The following ARFGEF1 variants were observed in gnomAD, a reference collection of about 807,000 sequenced individuals.
ARFGEF1 encodes ARF guanine nucleotide exchange factor 1.
ARFGEF1 carries 42 observed loss-of-function variants against 231.0 expected under a neutral mutation model. The ratio of observed to expected loss-of-function variants is 0.18; its 90% CI spans 0.14 to 0.24. The LOEUF (loss-of-function observed/expected upper bound fraction) is 0.24, where lower values mean the gene tolerates loss of function less well. ARFGEF1 is among the 10% of genes least tolerant of loss of function. The pLI, the probability that ARFGEF1 is intolerant of heterozygous loss-of-function variation, is 1.00. For missense variants in ARFGEF1, 1,345 were observed against 2,192.0 expected, an observed-to-expected ratio of 0.61 and a Z score of 7.72; for synonymous variants, 710 against 732.3, an observed-to-expected ratio of 0.97 and a Z score of 0.49.
chr8:67,324,897 CAG>C (rs900843962), intron 1 of ARFGEF1, among the ~76,000 whole-genome samples: 1 of 147,880 alleles, frequency 6.8e-6, no homozygotes, highest in African/African-American at 2.5e-5. Flanking sequence ...CCCAAAGAGC[CAG>C]AGAGAAAAAA....
chr8:67,222,221 A>G (rs961667544), intron 29 of ARFGEF1, among the ~76,000 whole-genome samples: 10 of 114,206 alleles, frequency 8.8e-5, no homozygotes, highest in South Asian at 3.0e-4. Context: ...ACATATATAT[A>G]TATGTATATG....
At chr8:67,237,427 T>A (rs1033460385) in intron 22 of ARFGEF1, among the ~76,000 whole-genome samples, 4 of 152,230 alleles carry the variant, frequency 2.6e-5, no homozygotes, top group Admixed American at 2.6e-4. Context: ...GGTTTTTAAT[T>A]CTTTTCCTAT....
At chr8:67,195,715 T>TAAAA (rs1176090665), downstream of ARFGEF1, 1 of 696,726 alleles carries the variant, frequency 1.4e-6, no homozygotes, top group Admixed American at 2.9e-5. Context: ...CATCTGTATA[T>TAAAA]AAAATTATTT....
At chr8:67,249,025 T>C (rs150081123) in intron 19 of ARFGEF1, among the ~76,000 whole-genome samples, 2 of 150,518 alleles carry the variant, frequency 1.3e-5, no homozygotes, top group Non-Finnish European at 2.9e-5. Flanking sequence ...TCCAGGAATA[T>C]ATCATTCATT....
rs1804876569 is a variant in ARFGEF1 at position 67,266,967 on chromosome 8, T to C, written c.1830A>G (p.Lys610=). Residue 610 remains lysine (K), a synonymous_variant, in exon 13 of 39, where the codon AAA becomes AAG. Transcript: ENST00000262215. ...MSNVQELSLR[K]KGLECLVSIL... ...TCGACACTAAGCATTCTAAACCTTTTTTCCTCAGGCTCAATTCCTACAAAG... is the reference window on the plus strand; with the variant it reads ...TCGACACTAAGCATTCTAAACCTTTCTTCCTCAGGCTCAATTCCTACAAAG... 1.9e-6 allele frequency: 3 copies of C among 1,613,546 alleles called. No individual in the cohort carries two copies. Among genetic ancestry groups the C allele is most frequent in the Non-Finnish European group, 8.5e-7 (1 of 1,179,732 alleles).
intron 1 of ARFGEF1, 135 bp downstream of exon 1, chr8:67,343,027 CAG>C (rs1808719770): frequency 9.7e-7 from 1 of 1,035,740 alleles, no homozygotes; most frequent in Middle Eastern, 3.2e-4. Flanking sequence ...AGACAGGGAA[CAG>C]AGGGCTCCGC....
intron 17 of ARFGEF1, among the ~76,000 whole-genome samples, chr8:67,254,443 A>G (rs987598954): frequency 2.0e-5 from 3 of 152,232 alleles, no homozygotes; most frequent in Non-Finnish European, 4.4e-5. Flanking sequence ...ACCACCTTCC[A>G]TAAAGAACTT....
chr8:67,235,497 A>C (rs1314958090), intron 22 of ARFGEF1, among the ~76,000 whole-genome samples: 1 of 152,158 alleles, frequency 6.6e-6, no homozygotes, highest in African/African-American at 2.4e-5. Flanking sequence ...TATGTGACAA[A>C]GCCATTGAAT....
Position 67,238,111 on chromosome 8 carries a change from C to A in ARFGEF1, c.3289+232G>T, listed in dbSNP as rs531592381. 3.3e-5 allele frequency among the ~76,000 whole-genome samples: 5 copies of A among 152,324 alleles called. No homozygotes were observed. The South Asian group carries it at 1.0e-3, about 32-fold the overall frequency. ...AAAAGCAAGTAATTTAAAAACTCTA[C>A]ACACTGTATCCTTCTCCAACAACCA... On this transcript the variant is annotated intron_variant, in intron 22 of 38. Transcript: ENST00000262215.
chr8:67,222,273 T>A (rs200152528), intron 29 of ARFGEF1, among the ~76,000 whole-genome samples: 3 of 87,824 alleles, frequency 3.4e-5, no homozygotes, highest in African/African-American at 7.5e-5. Context: ...GTATGTATTT[T>A]TTTTTTTTTT....
intron 18 of ARFGEF1, 48 bp from the exon 19 acceptor site, chr8:67,251,498 A>G: frequency 1.4e-6 from 2 of 1,477,056 alleles, no homozygotes; most frequent in South Asian, 2.8e-5. Context: ...ACATTTAAGA[A>G]TTCTATTTTG....
rs781739609 is a variant in ARFGEF1 at position 67,277,428 on chromosome 8, T to G, written c.1057A>C (p.Ser353Arg). Reference protein sequence around the residue: ...DMGEGTTINASADGNIGTIED... With the variant: ...DMGEGTTINARADGNIGTIED... The stretch of plus-strand genomic sequence containing the variant: ...ATAGTTCCAATGTTGCCATCTGCAC[T>G]TGCATTTATAGTAGTCCCTTCTCCC... The change falls in exon 8 of 39, where the codon AGT (serine) becomes CGT (arginine). Residue 353 changes from serine (S) to arginine (R), a missense_variant. By Grantham distance (110) the Ser-to-Arg change is moderately radical (BLOSUM62 -1). Transcript: ENST00000262215. 2.5e-6 allele frequency: 4 copies of G among 1,613,624 alleles called. No homozygotes were observed. Among genetic ancestry groups the G allele is most frequent in the Non-Finnish European group, 3.4e-6 (4 of 1,179,692 alleles).
intron 17 of ARFGEF1, among the ~76,000 whole-genome samples, chr8:67,256,544 T>A (rs1428210735): frequency 6.6e-6 from 1 of 152,194 alleles, no homozygotes; most frequent in East Asian, 1.9e-4. Context: ...TTTTAATTTT[T>A]CCAATACATC....
At chr8:67,287,029 C>T (rs1805788644) in intron 7 of ARFGEF1, among the ~76,000 whole-genome samples, 1 of 152,180 alleles carries the variant, frequency 6.6e-6, no homozygotes, top group Non-Finnish European at 1.5e-5. Context: ...AAAACTGAAA[C>T]ACTACCTGTG....
intron 5 of ARFGEF1, among the ~76,000 whole-genome samples, chr8:67,186,134 A>T (rs1834513174): frequency 1.3e-5 from 2 of 152,148 alleles, no homozygotes; most frequent in South Asian, 4.1e-4. Flanking sequence ...TTTGTTAAAA[A>T]TTTTCCATCA....
chr8:67,192,605 A>AACCACAAG (rs1836682805), intron 5 of ARFGEF1, among the ~76,000 whole-genome samples: 2 of 152,148 alleles, frequency 1.3e-5, no homozygotes, highest in South Asian at 4.1e-4. Flanking sequence ...AACCATTGCC[A>AACCACAAG]ACCACAAGAT....
chr8:67,227,340 G>A (rs376672493), intron 26 of ARFGEF1, 31 bp from the exon 27 acceptor site: 186 of 1,602,288 alleles, frequency 1.2e-4, no homozygotes, highest in Non-Finnish European at 1.5e-4. Context: ...GCTTGGATAT[G>A]CAAACCGATA....
chr8:67,200,274 C>G (rs775203156), intron 38 of ARFGEF1, 122 bp downstream of exon 38: 2 of 761,456 alleles, frequency 2.6e-6, no homozygotes, highest in South Asian at 1.4e-5. Context: ...GCACAAGCAG[C>G]AGTGCAGCCT....
chr8:67,273,296 C>A (rs943066792), intron 9 of ARFGEF1, among the ~76,000 whole-genome samples: 2 of 150,904 alleles, frequency 1.3e-5, no homozygotes, highest in Non-Finnish European at 2.9e-5. Flanking sequence ...ATTTTGCAAA[C>A]ACAATTTTCC....
Sources: allele counts gnomAD v4.1 joint callset (sites outside exome capture counted in the v4.1 genomes callset), GRCh38; gene constraint gnomAD v4.1.1; transcripts MANE v1.5; gene names NCBI Gene and HGNC (gene_info 2026-07-23, HGNC 2026-07-21).